Variants in SYNGR4 observed in about 807,000 individuals in gnomAD.
SYNGR4 encodes synaptogyrin 4.
A neutral mutation model predicts 15.5 loss-of-function variants in SYNGR4; 15 were observed. That is an observed-to-expected ratio of 0.97 (90% CI 0.65 to 1.49). The LOEUF (loss-of-function observed/expected upper bound fraction) is 1.49, where lower values mean the gene tolerates loss of function less well. Among genes scored for constraint, SYNGR4 ranks in the 40% most tolerant of loss-of-function variants. The pLI is 0.00. For missense variants in SYNGR4, 292 were observed against 299.3 expected (o/e 0.98, Z 0.18); for synonymous variants, 121 against 127.4 (o/e 0.95, Z 0.34).
At chr19:48,375,812 G>A in intron 4 of SYNGR4, 60 bp downstream of exon 4, 1 of 1,582,814 alleles carries the variant, frequency 6.3e-7, no homozygotes, top group Non-Finnish European at 8.6e-7. Context: ...GGGTGGGGTT[G>A]AAAGGGCTAG....
At chr19:48,366,041 G>A (rs929986331) in intron 2 of SYNGR4, 106 bp downstream of exon 2, 38 of 1,211,674 alleles carry the variant, frequency 3.1e-5, no homozygotes, top group Middle Eastern at 2.1e-4. Flanking sequence ...GGGGTCAGAC[G>A]GGGAAACAAG....
At chr19:48,366,879 T>C (rs1600940648) in intron 2 of SYNGR4, among the ~76,000 whole-genome samples, 1 of 151,922 alleles carries the variant, frequency 6.6e-6, no homozygotes. Flanking sequence ...ACAGGCTGGG[T>C]GTGGTGGTTC....
chr19:48,375,235 G>A (rs1321618692), intron 3 of SYNGR4, among the ~76,000 whole-genome samples: 1 of 151,686 alleles, frequency 6.6e-6, no homozygotes, highest in Non-Finnish European at 1.5e-5. Flanking sequence ...CATGTTGCCC[G>A]GGCTGGTCTC....
intron 2 of SYNGR4, 143 bp downstream of exon 2, chr19:48,366,078 T>C: frequency 1.3e-6 from 1 of 794,820 alleles, no homozygotes; most frequent in Non-Finnish European, 2.0e-6. Flanking sequence ...TGACACCACC[T>C]TTTCCTGAGC....
At position 48,373,737 on chromosome 19, in the gene SYNGR4, T is replaced by C; in HGVS notation, c.314T>C (p.Leu105Pro). 6.2e-7 allele frequency: 1 copy of C among 1,613,956 alleles called. No individual in the cohort carries two copies. The highest frequency in any genetic ancestry group is 1.1e-5 in the South Asian group (1 of 91,088). The change falls in exon 3 of 5, where the codon CTG becomes CCG. Residue 105 changes from leucine (L) to proline (P), a missense_variant. Transcript: ENST00000344846. ...GTRFKTAFQL[L>P]DFILAVLWAV... ...CGCTTCAAGACAGCCTTCCAGCTCC[T>C]GGACTTCATCCTGGCTGGTGAGCCC...
intron 2 of SYNGR4, 170 bp from the exon 3 acceptor site, chr19:48,373,347 G>A: frequency 3.1e-6 from 2 of 646,178 alleles, no homozygotes; most frequent in South Asian, 1.8e-5. Context: ...ATGGAGCAGA[G>A]GGGACGAGGG....
chr19:48,373,801 A>G, intron 3 of SYNGR4, 47 bp downstream of exon 3: 1 of 1,591,810 alleles, frequency 6.3e-7, no homozygotes, highest in Non-Finnish European at 8.6e-7. Context: ...CCTCCCGCTC[A>G]CAGCCCTCCT....
At chr19:48,374,262 G>A (rs1255489991) in intron 3 of SYNGR4, among the ~76,000 whole-genome samples, 1 of 151,940 alleles carries the variant, frequency 6.6e-6, no homozygotes, top group Non-Finnish European at 1.5e-5. Context: ...TTGTATTTTA[G>A]TAGAGACGGG....
chr19:48,366,015 A>G (rs1207736046), intron 2 of SYNGR4, 80 bp downstream of exon 2: 2 of 1,446,714 alleles, frequency 1.4e-6, no homozygotes, highest in Non-Finnish European at 1.9e-6. Context: ...AGTGCGGGAG[A>G]TGGGAGGACA....
At chr19:48,371,459 T>C (rs1239478689) in intron 2 of SYNGR4, among the ~76,000 whole-genome samples, 4 of 152,176 alleles carry the variant, frequency 2.6e-5, no homozygotes, top group Admixed American at 2.0e-4. Context: ...ATTTCGTTGA[T>C]AGGAGCCCCC....
chr19:48,367,907 C>T (rs1970245247), intron 2 of SYNGR4, among the ~76,000 whole-genome samples: 1 of 152,224 alleles, frequency 6.6e-6, no homozygotes, highest in African/African-American at 2.4e-5. Flanking sequence ...AACTAAGGCC[C>T]AGGGAGATGT....
rs1313080236 is a variant in SYNGR4, at chr19:48,365,821, G to C, written c.-22G>C. On this transcript the variant is annotated 5_prime_UTR_variant, in exon 2 of 5. Transcript: ENST00000344846. Reference sequence around the variant, plus strand: ...GCACCCTGGCTCCCACCTCCCAGTGGCCCCAAAGGAAAACAGCTGCCATGC... The same window carrying C: ...GCACCCTGGCTCCCACCTCCCAGTGCCCCCAAAGGAAAACAGCTGCCATGC... 3 of 1,612,826 alleles carry C rather than the reference G, an allele frequency of 1.9e-6. No homozygotes were observed. The highest frequency in any genetic ancestry group is 2.2e-5 in the South Asian group (2 of 91,076).
At chr19:48,374,165 C>T (rs1970362921) in intron 3 of SYNGR4, among the ~76,000 whole-genome samples, 1 of 151,496 alleles carries the variant, frequency 6.6e-6, no homozygotes, top group African/African-American at 2.4e-5. Flanking sequence ...GCAACCTCCG[C>T]CTCCCGGGTT....
At chr19:48,368,472 G>A (rs767239176) in intron 2 of SYNGR4, among the ~76,000 whole-genome samples, 11 of 151,456 alleles carry the variant, frequency 7.3e-5, no homozygotes, top group Admixed American at 4.0e-4. Context: ...TGCAACTTTC[G>A]CCTCCTGGGT....
In SYNGR4 at chr19:48,365,810, A is replaced by G. The variant is rs1970207121; in HGVS notation, c.-33A>G. ...GGCAGCGCCCAGCACCCTGGCTCCCACCTCCCAGTGGCCCCAAAGGAAAAC... is the reference window on the plus strand; with the variant it reads ...GGCAGCGCCCAGCACCCTGGCTCCCGCCTCCCAGTGGCCCCAAAGGAAAAC... On this transcript the variant is annotated 5_prime_UTR_variant, in exon 2 of 5. Transcript: ENST00000344846. The G allele has an allele frequency of 6.2e-7, 1 of 1,611,272 alleles. No individual in the cohort carries two copies. Among genetic ancestry groups the G allele is most frequent in the South Asian group, 1.1e-5 (1 of 91,044 alleles).
chr19:48,368,074 C>T (rs113902015), intron 2 of SYNGR4, among the ~76,000 whole-genome samples: 2,628 of 152,284 alleles, frequency 0.017, 80 homozygotes, highest in African/African-American at 0.06. Flanking sequence ...GGCTCAGGCA[C>T]GTGCTGTCCA....
At chr19:48,365,645 T>TCCCCCCCCCCTGTCC in intron 1 of SYNGR4, 91 bp from the exon 2 acceptor site, 4 of 47,480 alleles carry the variant, frequency 8.4e-5, no homozygotes, top group Admixed American at 2.9e-4. Flanking sequence ...ACCCCCCCCA[T>TCCCCCCCCCCTGTCC]CCCCACCCCA....
Sources: allele counts gnomAD v4.1 joint callset (sites outside exome capture counted in the v4.1 genomes callset), GRCh38; gene constraint gnomAD v4.1.1; transcripts MANE v1.5; gene names NCBI Gene and HGNC (gene_info 2026-07-23, HGNC 2026-07-21).